Variants in EDN2 observed in about 807,000 individuals in gnomAD.
EDN2 encodes the protein endothelin-2.
A neutral mutation model predicts 19.9 loss-of-function variants in EDN2; 10 were observed. That is an observed-to-expected ratio of 0.50 (90% CI 0.31 to 0.85). The LOEUF (loss-of-function observed/expected upper bound fraction) is 0.85, where lower values mean the gene tolerates loss of function less well. Ranked by LOEUF, EDN2 falls within the 40% of genes least tolerant of loss-of-function variation. The pLI is 0.05. For missense variants in EDN2, 222 were observed against 239.3 expected (o/e 0.93, Z 0.48); for synonymous variants, 84 against 94.9 (o/e 0.89, Z 0.67).
chr1:41,482,101 G>A (rs567547405), intron 3 of EDN2, among the ~76,000 whole-genome samples: 3 of 152,210 alleles, frequency 2.0e-5, no homozygotes, highest in African/African-American at 7.2e-5. Context: ...AGTAGGACTC[G>A]ATCAGACAGA....
At position 41,482,511 on chromosome 1, in the gene EDN2, C is replaced by T; in HGVS notation, c.299G>A (p.Ser100Asn). The T allele has an allele frequency of 6.3e-7, 1 of 1,596,994 alleles. No individual in the cohort carries two copies. Among genetic ancestry groups the T allele is most frequent in the South Asian group, 1.1e-5 (1 of 90,012 alleles). The change falls in exon 3 of 5, where the codon AGT (serine) becomes AAT (asparagine). Residue 100 changes from serine to asparagine, a missense_variant. By Grantham distance (46) the Ser-to-Asn change is conservative (BLOSUM62 1). Coordinates refer to ENST00000372587, the MANE Select transcript of EDN2 (RefSeq NM_001956.5). ...GGTGGCACAGGCGGGGTCCCTGGCA[C>T]TGGAGCACTGACAGCGCCTTGGCAG... Reference protein sequence around the residue: ...RSLPRRCQCSSARDPACATFC... With the variant: ...RSLPRRCQCSNARDPACATFC...
chr1:41,481,426 C>T (rs1315859058), intron 3 of EDN2, among the ~76,000 whole-genome samples: 3 of 152,226 alleles, frequency 2.0e-5, no homozygotes, highest in African/African-American at 4.8e-5. Flanking sequence ...GCTTTTTTGG[C>T]CTTCCCAGAA....
chr1:41,483,954 G>T, intron 2 of EDN2, 93 bp downstream of exon 2: 1 of 1,344,942 alleles, frequency 7.4e-7, no homozygotes, highest in Non-Finnish European at 1.0e-6. Context: ...AGGGAGAGAT[G>T]GAATGTGTCA....
intron 4 of EDN2, chr1:41,480,690 G>A: frequency 2.2e-6 from 1 of 464,322 alleles, no homozygotes; most frequent in Non-Finnish European, 4.3e-6. Context: ...TGGGGGCCAG[G>A]TCTGACTCAC....
At chr1:41,479,551 C>T (rs201518359) in intron 4 of EDN2, 49 bp from the exon 5 acceptor site, 12 of 1,522,872 alleles carry the variant, frequency 7.9e-6, no homozygotes, top group Admixed American at 3.4e-5. Flanking sequence ...TATGGACTGT[C>T]CAAGAGCTCC....
At position 41,481,183 on chromosome 1, in the gene EDN2, C is replaced by T. The variant is rs151334316; in HGVS notation, c.355G>A (p.Gly119Arg). 6.2e-5 allele frequency: 100 copies of T among 1,613,732 alleles called. No homozygotes were observed. Among genetic ancestry groups the T allele is most frequent in the Middle Eastern group, 1.6e-4 (1 of 6,082 alleles). ...GGGGACTTCCGGCTTGGGACTGCCC[C>T]GGCTTCAGTCCTACGTGAATAGCAT... is the stretch of plus-strand genomic sequence containing the variant. ...FCLRRPWTEA[G>R]AVPSRKSPAD... The change falls in exon 4 of 5, where the codon GGG becomes AGG. Residue 119 changes from glycine to arginine, a missense_variant. Physicochemically the swap from Gly to Arg is moderately radical, Grantham distance 125 (BLOSUM62 -2). Coordinates refer to ENST00000372587, the MANE Select transcript of EDN2 (RefSeq NM_001956.5).
Position 41,484,645 on chromosome 1 carries a change from T to A in EDN2, c.-44A>T. On this transcript the variant is annotated 5_prime_UTR_variant, in exon 1 of 5. Coordinates refer to ENST00000372587, the MANE Select transcript of EDN2 (RefSeq NM_001956.5). ...AGGCTGGACTGGAGCAGGGAGTGCC[T>A]GTTGCCAGCGTCCTGCTATTAAGCT... The A allele has an allele frequency of 6.5e-7, 1 of 1,547,938 alleles. No homozygotes were observed. The highest frequency in any genetic ancestry group is 8.7e-7 in the Non-Finnish European group (1 of 1,144,434).
rs372261706 is a variant in EDN2 at position 41,481,066 on chromosome 1, C to T, written c.443+29G>A. ...ATGTGCAAGGCATACAGGAGGTGCT[C>T]AGTCTGTGCATGTGTCCCACGCCCT... On this transcript the variant is annotated intron_variant, in intron 4 of 4. Transcript: ENST00000372587. 10 of 1,558,172 alleles carry T rather than the reference C, an allele frequency of 6.4e-6. No homozygotes were observed. The African/African-American group carries it at 8.1e-5, about 13-fold the overall frequency.
chr1:41,484,395 G>T, intron 1 of EDN2, 143 bp downstream of exon 1: 1 of 1,329,206 alleles, frequency 7.5e-7, no homozygotes, highest in Non-Finnish European at 1.0e-6. Flanking sequence ...TGTATTTGCA[G>T]AACCTTTCCC....
At chr1:41,484,263 A>C in intron 1 of EDN2, 60 bp from the exon 2 acceptor site, 1 of 1,578,000 alleles carries the variant, frequency 6.3e-7, no homozygotes. Context: ...GGCACATCCC[A>C]GAGTGGGGGA....
At chr1:41,481,417 C>G (rs1465542998) in intron 3 of EDN2, among the ~76,000 whole-genome samples, 1 of 152,192 alleles carries the variant, frequency 6.6e-6, no homozygotes, top group Non-Finnish European at 1.5e-5. Flanking sequence ...AAAGAGGCAG[C>G]TTTTTTGGCC....
chr1:41,484,240 G>A, intron 1 of EDN2, 37 bp from the exon 2 acceptor site: 1 of 1,601,336 alleles, frequency 6.2e-7, no homozygotes, highest in African/African-American at 1.3e-5. Flanking sequence ...TGGAGAGGTG[G>A]GTTGGGGTGC....
Position 41,481,162 on chromosome 1 carries a change from A to T in EDN2, c.376T>A (p.Ser126Thr). ...CCAGTCTGGAACACGTCTGCAGGGG[A>T]CTTCCGGCTTGGGACTGCCCCGGCT... is the stretch of plus-strand genomic sequence containing the variant. The part of the protein sequence containing the change: ...TEAGAVPSRK[S>T]PADVFQTGKT... The change falls in exon 4 of 5, where the codon TCC (serine) becomes ACC (threonine). Residue 126 changes from serine to threonine, a missense_variant. Coordinates refer to ENST00000372587, the MANE Select transcript of EDN2 (RefSeq NM_001956.5). The T allele has an allele frequency of 6.2e-7, 1 of 1,613,968 alleles. No individual in the cohort carries two copies.
At chr1:41,484,233 A>C in intron 1 of EDN2, 30 bp from the exon 2 acceptor site, 1 of 1,605,308 alleles carries the variant, frequency 6.2e-7, no homozygotes, top group Non-Finnish European at 8.5e-7. Context: ...AGAGAGGTGG[A>C]GAGGTGGGTT....
rs1310582619 is a variant in EDN2, at chr1:41,484,222, G to C, written c.65-19C>G. On this transcript the variant is annotated intron_variant, in intron 1 of 4. Coordinates refer to ENST00000372587, the MANE Select transcript of EDN2 (RefSeq NM_001956.5). ...CCCTTCCCTGCATGCACAGGAGGGA[G>C]AGAGAGGTGGAGAGGTGGGTTGGGG... The C allele has an allele frequency of 1.3e-5, 21 of 1,607,234 alleles. No homozygotes were observed. Among genetic ancestry groups the C allele is most frequent in the Non-Finnish European group, 1.7e-5 (20 of 1,176,802 alleles).
At position 41,484,431 on chromosome 1, in the gene EDN2, G is replaced by A. The variant is rs934018599; in HGVS notation, c.64+107C>T. ...CTGCCACCACTGCCGCCAGGCTCCC[G>A]CCCCTGTCTGCCCCCAGCTGGCTTG... is the stretch of plus-strand genomic sequence containing the variant. On this transcript the variant is annotated intron_variant, in intron 1 of 4. Coordinates refer to ENST00000372587, the MANE Select transcript of EDN2 (RefSeq NM_001956.5). 103 of 1,441,014 alleles carry A rather than the reference G, an allele frequency of 7.1e-5. No individual in the cohort carries two copies. In the East Asian group the frequency reaches 2.2e-3, roughly 31 times the overall value. 89.3% of individuals were successfully genotyped at this position (1,441,014 alleles called of 1,614,324 possible).
chr1:41,483,658 A>G (rs1644267177), intron 2 of EDN2: 2 of 180,024 alleles, frequency 1.1e-5, no homozygotes, highest in Non-Finnish European at 2.3e-5. Context: ...CACTAATCGT[A>G]TTATTATTGG....
intron 4 of EDN2, 154 bp downstream of exon 4, chr1:41,480,941 T>A: frequency 1.5e-6 from 1 of 667,750 alleles, no homozygotes. Flanking sequence ...TGCCGCTGAC[T>A]GCTGTGTGAC....
intron 4 of EDN2, chr1:41,480,570 G>T: frequency 2.7e-6 from 1 of 376,510 alleles, no homozygotes; most frequent in South Asian, 2.0e-5. Context: ...CTGGGGTTCA[G>T]ATCAAGCAGT....
Sources: allele counts gnomAD v4.1 joint callset (sites outside exome capture counted in the v4.1 genomes callset), GRCh38; gene constraint gnomAD v4.1.1; transcripts MANE v1.5; gene names NCBI Gene and HGNC (gene_info 2026-07-23, HGNC 2026-07-21).